EDIL3: variants seen among roughly 807,000 people sequenced by gnomAD.
EDIL3 encodes EGF-like repeat and discoidin I-like domain-containing protein 3.
Under a neutral mutation model 67.4 loss-of-function variants are expected in EDIL3, and 37 were observed. The ratio of observed to expected loss-of-function variants is 0.55; its 90% CI spans 0.42 to 0.72. The LOEUF (loss-of-function observed/expected upper bound fraction) is 0.72. Ranked by LOEUF, EDIL3 falls within the 30% of genes least tolerant of loss-of-function variation. The probability of loss-of-function intolerance (pLI) is 0.00; values close to 1 mark genes in which losing one functional copy is unlikely to be tolerated. For synonymous variants in EDIL3, 195 were observed against 196.3 expected (o/e 0.99, Z 0.05); for missense variants, 527 against 586.3 (o/e 0.90, Z 1.04).
At chr5:84,177,816 A>G (rs946905922) in intron 4 of EDIL3, among the ~76,000 whole-genome samples, 1 of 152,160 alleles carries the variant, frequency 6.6e-6, no homozygotes, top group African/African-American at 2.4e-5. Context: ...TAATTTTTCC[A>G]ATTTGTCACA....
intron 2 of EDIL3, among the ~76,000 whole-genome samples, chr5:84,244,651 G>A (rs1336604634): frequency 1.3e-5 from 2 of 152,072 alleles, no homozygotes; most frequent in African/African-American, 4.8e-5. Context: ...TATCTTCTGT[G>A]TTACTAGTAG....
At chr5:84,065,171 T>C (rs142094414) in intron 7 of EDIL3, among the ~76,000 whole-genome samples, 37 of 152,304 alleles carry the variant, frequency 2.4e-4, no homozygotes, top group Middle Eastern at 3.4e-3. Flanking sequence ...TCCTTCAATT[T>C]AATCTGGGAC....
chr5:84,263,762 T>C (rs1469753672), intron 1 of EDIL3, among the ~76,000 whole-genome samples: 1 of 152,180 alleles, frequency 6.6e-6, no homozygotes, highest in South Asian at 2.1e-4. Context: ...CCTGATGATG[T>C]AGGTGCTGAT....
At chr5:84,060,510 T>C (rs1339286065) in intron 8 of EDIL3, 26 bp from the exon 9 acceptor site, 4 of 1,610,204 alleles carry the variant, frequency 2.5e-6, no homozygotes, top group Non-Finnish European at 3.4e-6. Context: ...AAGGGCTCCA[T>C]GAGAAAAATA....
At chr5:84,254,558 C>A (rs1043801230) in intron 1 of EDIL3, among the ~76,000 whole-genome samples, 1 of 152,148 alleles carries the variant, frequency 6.6e-6, no homozygotes, top group Non-Finnish European at 1.5e-5. Context: ...CTAATAAATA[C>A]CTTCTTTATA....
chr5:84,071,882 C>T (rs765998946), intron 6 of EDIL3, among the ~76,000 whole-genome samples: 1 of 151,862 alleles, frequency 6.6e-6, no homozygotes, highest in East Asian at 1.9e-4. Context: ...ATGAATAGAA[C>T]AGAATAGAAA....
intron 1 of EDIL3, among the ~76,000 whole-genome samples, chr5:84,264,531 G>C (rs1657848128): frequency 6.6e-6 from 1 of 152,126 alleles, no homozygotes; most frequent in South Asian, 2.1e-4. Context: ...CCAGGCTTGT[G>C]GTTTTACCAG....
At chr5:84,272,901 A>G (rs1033512677) in intron 1 of EDIL3, among the ~76,000 whole-genome samples, 8 of 152,132 alleles carry the variant, frequency 5.3e-5, no homozygotes, top group Admixed American at 5.2e-4. Flanking sequence ...AATATTTCCT[A>G]AAGAAAATGG....
At chr5:84,320,575 T>A (rs1746615914) in intron 1 of EDIL3, among the ~76,000 whole-genome samples, 2 of 152,030 alleles carry the variant, frequency 1.3e-5, no homozygotes, top group South Asian at 4.1e-4. Context: ...TTAATGAAGA[T>A]CTCATAGCTG....
At chr5:84,195,873 T>C (rs1743692819) in intron 3 of EDIL3, among the ~76,000 whole-genome samples, 1 of 151,992 alleles carries the variant, frequency 6.6e-6, no homozygotes, top group African/African-American at 2.4e-5. Flanking sequence ...CTTTGATCTA[T>C]ATGCTAGAGG....
Position 83,943,371 on chromosome 5 carries a change from G to C in EDIL3, c.*48C>G, listed in dbSNP as rs369916818. On this transcript the variant is annotated 3_prime_UTR_variant, in exon 11 of 11. Coordinates refer to ENST00000296591, the MANE Select transcript of EDIL3 (RefSeq NM_005711.5). The stretch of plus-strand genomic sequence containing the variant: ...GATTTTGCACAGTTCATTCCATGGA[G>C]ATACTTTTAGGGAAATAGGGAAGAG... 2.5e-6 allele frequency: 4 copies of C among 1,608,736 alleles called. No homozygotes were observed. The highest frequency in any genetic ancestry group is 1.7e-5 in the Admixed American group (1 of 59,660).
intron 9 of EDIL3, among the ~76,000 whole-genome samples, chr5:83,970,164 AC>A (rs775110686): frequency 3.0e-4 from 45 of 150,984 alleles, no homozygotes; most frequent in Non-Finnish European, 4.7e-4. Context: ...TATATTTTTG[AC>A]AATTGAAAAG....
intron 1 of EDIL3, among the ~76,000 whole-genome samples, chr5:84,373,233 C>T (rs779730917): frequency 6.6e-6 from 1 of 152,122 alleles, no homozygotes; most frequent in Non-Finnish European, 1.5e-5. Context: ...CCCAACATTT[C>T]TTGGGGCACA....
intron 1 of EDIL3, among the ~76,000 whole-genome samples, chr5:84,261,108 T>G (rs1048250698): frequency 6.6e-6 from 1 of 152,198 alleles, no homozygotes; most frequent in African/African-American, 2.4e-5. Context: ...TGCCTTCTAT[T>G]GTAGAAGCGA....
At chr5:84,264,452 T>C (rs909879068) in intron 1 of EDIL3, among the ~76,000 whole-genome samples, 2 of 152,114 alleles carry the variant, frequency 1.3e-5, no homozygotes, top group African/African-American at 4.8e-5. Context: ...AATGTCAACA[T>C]GTACCCCACT....
intron 3 of EDIL3, among the ~76,000 whole-genome samples, chr5:84,223,642 T>C (rs1744393505): frequency 6.6e-6 from 1 of 151,510 alleles, no homozygotes; most frequent in African/African-American, 2.4e-5. Context: ...GGGGGAAATA[T>C]AAGTCAAATG....
At chr5:84,313,031 G>C (rs1488475303) in intron 1 of EDIL3, among the ~76,000 whole-genome samples, 1 of 152,180 alleles carries the variant, frequency 6.6e-6, no homozygotes, top group African/African-American at 2.4e-5. Flanking sequence ...ATAAAATTAT[G>C]TAAGTTACTA....
intron 10 of EDIL3, among the ~76,000 whole-genome samples, chr5:83,960,566 G>A (rs1373560028): frequency 6.6e-6 from 1 of 150,966 alleles, no homozygotes; most frequent in African/African-American, 2.4e-5. Context: ...CAAATTGTAT[G>A]TTATAATAAT....
In EDIL3 at chr5:83,975,132, A is replaced by G. The variant is rs138743330; in HGVS notation, c.1138-11772T>C. ...GTTCTGGCTTGAATGTAAGGTATAT[A>G]ACTTTCATAAAATATTTTGTTCTTG... On this transcript the variant is annotated intron_variant, in intron 9 of 10. Coordinates refer to ENST00000296591, the MANE Select transcript of EDIL3 (RefSeq NM_005711.5). Among the ~76,000 whole-genome samples the G allele has an allele frequency of 2.2e-4, 34 of 152,150 alleles. 1 individual carries two copies. In the East Asian group the frequency reaches 6.6e-3, roughly 29 times the overall value.
Sources: gnomAD v4.1 joint callset for allele counts (sites outside exome capture counted in the v4.1 genomes callset) on GRCh38, gnomAD v4.1.1 for gene constraint, MANE v1.5 for transcripts, NCBI Gene and HGNC (gene_info 2026-07-23, HGNC 2026-07-21) for gene names.